The following HCN1 variants were observed in gnomAD, a reference collection of about 807,000 sequenced individuals.
HCN1 encodes the protein hyperpolarization activated cyclic nucleotide gated potassium channel 1, also known as potassium/sodium hyperpolarization-activated cyclic nucleotide-gated channel 1.
HCN1 carries 13 observed loss-of-function variants against 78.9 expected under a neutral mutation model. The ratio of observed to expected loss-of-function variants is 0.16; its 90% confidence interval spans 0.11 to 0.26. The LOEUF is 0.26. Ranked by LOEUF, HCN1 falls within the 10% of genes least tolerant of loss-of-function variation. The probability of loss-of-function intolerance (pLI) is 1.00; values close to 1 mark genes in which losing one functional copy is unlikely to be tolerated. For missense variants in HCN1, 810 were observed against 1,154.3 expected (o/e 0.70, Z 4.32); for synonymous variants, 552 against 455.5 (o/e 1.21, Z -2.70).
intron 2 of HCN1, among the ~76,000 whole-genome samples, chr5:45,540,663 T>C (rs1459583847): frequency 2.6e-5 from 4 of 152,186 alleles, no homozygotes; most frequent in African/African-American, 9.6e-5. Context: ...TAATTTACCC[T>C]GTGTTTGTTA....
At chr5:45,375,465 A>T (rs1351066020) in intron 4 of HCN1, among the ~76,000 whole-genome samples, 2 of 99,350 alleles carry the variant, frequency 2.0e-5, no homozygotes, top group African/African-American at 9.4e-5. Context: ...GATACATATG[A>T]TATATAAGAT....
intron 2 of HCN1, among the ~76,000 whole-genome samples, chr5:45,553,707 T>C (rs554470691): frequency 6.6e-6 from 1 of 152,080 alleles, no homozygotes; most frequent in South Asian, 2.1e-4. Context: ...CCCATATACC[T>C]TAAATCATCT....
intron 6 of HCN1, among the ~76,000 whole-genome samples, chr5:45,291,698 T>G (rs1745380376): frequency 6.6e-6 from 1 of 151,862 alleles, no homozygotes; most frequent in South Asian, 2.1e-4. Context: ...ATCCAGCTAC[T>G]TTCTGATTTT....
intron 3 of HCN1, among the ~76,000 whole-genome samples, chr5:45,439,854 A>G (rs960534859): frequency 7.2e-5 from 11 of 151,756 alleles, no homozygotes; most frequent in African/African-American, 2.7e-4. Context: ...GCAGGAAGGT[A>G]CGAAGAAACA....
chr5:45,477,860 T>C (rs1214641170), intron 2 of HCN1, among the ~76,000 whole-genome samples: 1 of 152,182 alleles, frequency 6.6e-6, no homozygotes, highest in Non-Finnish European at 1.5e-5. Flanking sequence ...AATGAATGGT[T>C]TTTAATGAGA....
intron 1 of HCN1, among the ~76,000 whole-genome samples, chr5:45,647,300 A>G (rs1368146356): frequency 6.6e-6 from 1 of 152,164 alleles, no homozygotes; most frequent in African/African-American, 2.4e-5. Flanking sequence ...TCAACACAAT[A>G]AGGACAGAGG....
chr5:45,308,236 G>C (rs780993400), intron 5 of HCN1, among the ~76,000 whole-genome samples: 5 of 152,210 alleles, frequency 3.3e-5, no homozygotes, highest in Non-Finnish European at 7.4e-5. Flanking sequence ...ACTAGAAACA[G>C]ATGCTGGTGC....
intron 1 of HCN1, among the ~76,000 whole-genome samples, chr5:45,671,743 ATAGT>A (rs770032126): frequency 2.6e-5 from 4 of 151,716 alleles, no homozygotes; most frequent in East Asian, 3.9e-4. Flanking sequence ...AATATAAACA[ATAGT>A]TAAATATTAA....
intron 2 of HCN1, among the ~76,000 whole-genome samples, chr5:45,548,123 TTG>T (rs1422462387): frequency 1.4e-4 from 21 of 151,970 alleles, no homozygotes; most frequent in Non-Finnish European, 5.9e-5. Flanking sequence ...TATTTAATAA[TTG>T]TGTTTTAATA....
chr5:45,295,515 C>A (rs1004859926), intron 6 of HCN1, among the ~76,000 whole-genome samples: 8 of 151,790 alleles, frequency 5.3e-5, no homozygotes, highest in Admixed American at 5.3e-4. Flanking sequence ...ACATGCCTCA[C>A]CAAAAAGTAA....
chr5:45,297,634 T>C (rs1745526004), intron 6 of HCN1, among the ~76,000 whole-genome samples: 1 of 151,996 alleles, frequency 6.6e-6, no homozygotes, highest in Admixed American at 6.6e-5. Flanking sequence ...ATCAGCCTCA[T>C]ACAAAAATCA....
At chr5:45,692,858 A>ACGT (rs1458439897) in intron 1 of HCN1, among the ~76,000 whole-genome samples, 9 of 152,224 alleles carry the variant, frequency 5.9e-5, no homozygotes, top group Non-Finnish European at 1.2e-4. Context: ...CCCTGGAGTA[A>ACGT]GAACATAGTA....
intron 4 of HCN1, among the ~76,000 whole-genome samples, chr5:45,372,023 ATAATATAATTATATATATATTATAT>A (rs1183460190): frequency 2.8e-5 from 2 of 72,486 alleles, no homozygotes; most frequent in Non-Finnish European, 4.7e-5. Context: ...TATAATATAT[ATAATATAATTATATATATATTATAT>A]ATATAATATA....
At chr5:45,643,495 G>C (rs1228818461) in intron 2 of HCN1, 2 of 152,030 alleles carry the variant, frequency 1.3e-5, no homozygotes, top group African/African-American at 4.8e-5. Context: ...TAATTCGTTA[G>C]ACAATCTATA....
chr5:45,396,585 C>A lies in HCN1; in HGVS notation c.1137G>T (p.Met379Ile). The change falls in exon 4 of 8, where the codon ATG (methionine) becomes ATT (isoleucine). Residue 379 changes from methionine (M) to isoleucine (I), a missense_variant. By Grantham distance (10) the Met-to-Ile change is conservative. Around this residue, in one of 6 missense-constraint regions of HCN1, gnomAD observed 104 missense variants for 402.8 expected, o/e 0.26. Transcript: ENST00000303230. ...TGGCATAGCAGGTGGCCCCGACGATCATGCTCAGCATGGTAATCCAGAGGT... is the reference window on the plus strand; with the variant it reads ...TGGCATAGCAGGTGGCCCCGACGATAATGCTCAGCATGGTAATCCAGAGGT... ...MSDLWITMLS[M>I]IVGATCYAMF... 6.2e-7 allele frequency: 1 copy of A among 1,613,908 alleles called. No individual in the cohort carries two copies. Among genetic ancestry groups the A allele is most frequent in the Non-Finnish European group, 8.5e-7 (1 of 1,179,918 alleles).
intron 5 of HCN1, among the ~76,000 whole-genome samples, chr5:45,312,597 C>A (rs1485909485): frequency 6.6e-6 from 1 of 152,192 alleles, no homozygotes; most frequent in Non-Finnish European, 1.5e-5. Flanking sequence ...TGCAAGGAGT[C>A]AGGGAATTCC....
intron 2 of HCN1, among the ~76,000 whole-genome samples, chr5:45,579,150 A>C (rs1744006314): frequency 6.6e-6 from 1 of 152,120 alleles, no homozygotes; most frequent in Admixed American, 6.6e-5. Context: ...AACAAATGTA[A>C]GGCACGAAGC....
At chr5:45,639,090 T>C (rs1745407577) in intron 2 of HCN1, among the ~76,000 whole-genome samples, 1 of 152,218 alleles carries the variant, frequency 6.6e-6, no homozygotes, top group Admixed American at 6.5e-5. Context: ...AGAAATCATT[T>C]TACATATACG....
rs1346494801 is a variant in HCN1, at chr5:45,324,526, A to C, written c.1378-20687T>G. On this transcript the variant is annotated intron_variant, in intron 5 of 7. Transcript: ENST00000303230. ...ACAGCTGCTGGAGAGGATGTGGAGA[A>C]ATAGGAACACTTTTACACTGTTGGT... Among the ~76,000 whole-genome samples, 6 of 152,068 alleles carry C rather than the reference A, an allele frequency of 3.9e-5. No homozygotes were observed. The East Asian group carries it at 9.7e-4, about 25-fold the overall frequency.
Sources: allele counts gnomAD v4.1 joint callset (sites outside exome capture counted in the v4.1 genomes callset), GRCh38; gene constraint gnomAD v4.1.1; regional missense constraint gnomAD v4.1.1; transcripts MANE v1.5; gene names NCBI Gene and HGNC (gene_info 2026-07-23, HGNC 2026-07-21).